Variants in AHSA1 observed in about 807,000 individuals in gnomAD.
AHSA1 encodes activator of HSP90 ATPase activity 1.
AHSA1 carries 14 observed loss-of-function variants against 46.1 expected under a neutral mutation model. The ratio of observed to expected loss-of-function variants is 0.30; its 90% CI spans 0.20 to 0.47. The LOEUF (loss-of-function observed/expected upper bound fraction) is 0.47, where lower values mean the gene tolerates loss of function less well. AHSA1 is among the 20% of genes least tolerant of loss of function. The pLI, the probability that AHSA1 is intolerant of heterozygous loss-of-function variation, is 0.99. For missense variants in AHSA1, 333 were observed against 415.9 expected (o/e 0.80, Z 1.73); for synonymous variants, 147 against 145.8 (o/e 1.01, Z -0.06).
At chr14:77,468,950 C>T (rs762436567) in intron 8 of AHSA1, 127 bp from the exon 9 acceptor site, 11 of 1,060,992 alleles carry the variant, frequency 1.0e-5, no homozygotes, top group East Asian at 2.4e-5. Flanking sequence ...TCTGGTGATC[C>T]GCCCACCTCA....
chr14:77,462,142 T>G lies in AHSA1; in HGVS notation c.272-18T>G. ...CCTGCCAAGGAGTGGACTAATGACA[T>G]TGCATTGGTTTTGACAGGTACTTCT... On this transcript the variant is annotated intron_variant, in intron 2 of 8. Coordinates refer to ENST00000216479, the MANE Select transcript of AHSA1 (RefSeq NM_012111.3). 1 of 1,582,450 alleles carries G rather than the reference T, an allele frequency of 6.3e-7. No individual in the cohort carries two copies. Among genetic ancestry groups the G allele is most frequent in the Non-Finnish European group, 8.7e-7 (1 of 1,151,158 alleles).
Position 77,462,075 on chromosome 14 carries a change from C to T in AHSA1, c.272-85C>T, listed in dbSNP as rs1167450549. 13 of 968,420 alleles carry T rather than the reference C, an allele frequency of 1.3e-5. No homozygotes were observed. The East Asian group carries it at 3.3e-4, about 24-fold the overall frequency. 60.0% of individuals were successfully genotyped at this position (968,420 alleles called of 1,614,324 possible). ...GATCAGTTCAGCCATCCAAAAGCAG[C>T]AGAAGTGAGGTAGCAGTTAGGACCC... On this transcript the variant is annotated intron_variant, in intron 2 of 8. Transcript: ENST00000216479.
Position 77,458,166 on chromosome 14 carries a change from G to C in AHSA1, c.-24G>C. ...CTGTGGCTACGGCTGCTCCGGAGCT[G>C]GTGGCGCCGCGATAGGAGAGCCGAT... On this transcript the variant is annotated 5_prime_UTR_variant, in exon 1 of 9. Transcript: ENST00000216479. 1 of 1,514,422 alleles carries C rather than the reference G, an allele frequency of 6.6e-7. No individual in the cohort carries two copies. Among genetic ancestry groups the C allele is most frequent in the Non-Finnish European group, 8.8e-7 (1 of 1,133,320 alleles). The allele number at this position is 1,514,422 out of a possible 1,614,324, so 93.8% of individuals were successfully genotyped here.
At chr14:77,465,433 AG>A (rs1566747896) in intron 5 of AHSA1, 105 bp from the exon 6 acceptor site, 6 of 1,306,954 alleles carry the variant, frequency 4.6e-6, no homozygotes, top group South Asian at 2.8e-5. Flanking sequence ...TTACCCTTGG[AG>A]GTGAACATTT....
At chr14:77,468,751 TTTA>T in intron 8 of AHSA1, 1 of 477,312 alleles carries the variant, frequency 2.1e-6, no homozygotes. Context: ...TTTTTACTTT[TTTA>T]CTTTTTTTGT....
At position 77,468,645 on chromosome 14, in the gene AHSA1, C is replaced by T. The variant is rs757513792; in HGVS notation, c.844+137C>T. On this transcript the variant is annotated intron_variant, in intron 8 of 8. Coordinates refer to ENST00000216479, the MANE Select transcript of AHSA1 (RefSeq NM_012111.3). ...TGGCATAATCACAGCAAACTGCAGC[C>T]TTAACCTCCCAGACCCAAACGATCC... The T allele has an allele frequency of 6.3e-6, 5 of 796,008 alleles. No individual in the cohort carries two copies. In the East Asian group the frequency reaches 1.3e-4, roughly 21 times the overall value. 49.3% of individuals were successfully genotyped at this position (796,008 alleles called of 1,614,324 possible).
At position 77,467,551 on chromosome 14, in the gene AHSA1, A is replaced by G. The variant is rs535286745; in HGVS notation, c.691-532A>G. On this transcript the variant is annotated intron_variant, in intron 6 of 8. Transcript: ENST00000216479. ...TACTAAAAAATACAAAAAGTTAGCCAGGCATGGTGGCATGCGCCTGTAATC... is the reference window on the plus strand; with the variant it reads ...TACTAAAAAATACAAAAAGTTAGCCGGGCATGGTGGCATGCGCCTGTAATC... Among the ~76,000 whole-genome samples, 15 of 152,196 alleles carry G rather than the reference A, an allele frequency of 9.9e-5. No individual in the cohort carries two copies. In the South Asian group the frequency reaches 2.9e-3, roughly 29 times the overall value.
chr14:77,462,467 T>G (rs1316072433), intron 3 of AHSA1, 175 bp from the exon 4 acceptor site: 1 of 744,590 alleles, frequency 1.3e-6, no homozygotes, highest in Admixed American at 2.4e-5. Flanking sequence ...TAACTAACAT[T>G]AGCCACTTGA....
chr14:77,458,328 G>T, intron 1 of AHSA1, 59 bp downstream of exon 1: 1 of 1,520,906 alleles, frequency 6.6e-7, no homozygotes, highest in Admixed American at 2.1e-5. Context: ...AGGGTTTCAG[G>T]GTTCCTAGAA....
At chr14:77,465,500 ATTACTC>A in intron 5 of AHSA1, 33 bp from the exon 6 acceptor site, 1 of 1,605,552 alleles carries the variant, frequency 6.2e-7, no homozygotes, top group Non-Finnish European at 8.5e-7. Flanking sequence ...AGGTTGTATC[ATTACTC>A]TGTATTGATC....
At position 77,468,156 on chromosome 14, in the gene AHSA1, G is replaced by A; in HGVS notation, c.764G>A (p.Gly255Asp). 6.4e-7 allele frequency: 1 copy of A among 1,560,950 alleles called. No individual in the cohort carries two copies. The highest frequency in any genetic ancestry group is 8.7e-7 in the Non-Finnish European group (1 of 1,151,320). Residue 255 changes from glycine (G) to aspartate (D), a missense_variant, in exon 7 of 9, where the codon GGC becomes GAC. Coordinates refer to ENST00000216479, the MANE Select transcript of AHSA1 (RefSeq NM_012111.3). ...DRGGKFHMVD[G>D]NVSGEFTDLV... ...GGTGGAAAGTTCCACATGGTAGATGGCAACGTCTCTGGGGAATTTACTGAT... is the reference window on the plus strand; with the variant it reads ...GGTGGAAAGTTCCACATGGTAGATGACAACGTCTCTGGGGAATTTACTGAT...
At chr14:77,459,353 C>T (rs192319072) in intron 1 of AHSA1, among the ~76,000 whole-genome samples, 5 of 152,276 alleles carry the variant, frequency 3.3e-5, no homozygotes, top group South Asian at 4.1e-4. Context: ...AGTATTCCCC[C>T]GCACCATCAT....
At chr14:77,459,875 A>C (rs775744884) in intron 2 of AHSA1, 69 bp downstream of exon 2, 11 of 1,569,950 alleles carry the variant, frequency 7.0e-6, no homozygotes, top group Non-Finnish European at 9.6e-6. Flanking sequence ...GCTGGAGAGA[A>C]CAGTTTTGAG....
intron 6 of AHSA1, among the ~76,000 whole-genome samples, chr14:77,467,421 CG>C: frequency 6.6e-6 from 1 of 150,950 alleles, no homozygotes. Flanking sequence ...GGGCTGGGCG[CG>C]GTGGCTCACG....
At chr14:77,459,519 A>T in intron 1 of AHSA1, 97 bp from the exon 2 acceptor site, 1 of 1,267,054 alleles carries the variant, frequency 7.9e-7, no homozygotes, top group Non-Finnish European at 1.1e-6. Context: ...TTCTTTTCAA[A>T]CTATTTGTCA....
intron 6 of AHSA1, 65 bp from the exon 7 acceptor site, chr14:77,468,018 T>C: frequency 8.6e-7 from 1 of 1,168,536 alleles, no homozygotes; most frequent in Non-Finnish European, 1.2e-6. Flanking sequence ...CATTTGTCCT[T>C]GGGTCCCACT....
chr14:77,461,581 G>A (rs1021614912), intron 2 of AHSA1, among the ~76,000 whole-genome samples: 1 of 152,198 alleles, frequency 6.6e-6, no homozygotes, highest in African/African-American at 2.4e-5. Flanking sequence ...GACTACTATG[G>A]AATGGTAGAA....
chr14:77,464,761 GCT>G, intron 5 of AHSA1, 75 bp downstream of exon 5: 1 of 1,319,256 alleles, frequency 7.6e-7, no homozygotes, highest in Non-Finnish European at 1.1e-6. Context: ...CCACATATCA[GCT>G]CTCTGTGTCC....
intron 5 of AHSA1, 99 bp from the exon 6 acceptor site, chr14:77,465,440 C>A: frequency 1.4e-6 from 2 of 1,386,808 alleles, no homozygotes; most frequent in South Asian, 1.4e-5. Context: ...TGGAGGTGAA[C>A]ATTTTTATGA....
Sources: allele counts gnomAD v4.1 joint callset (sites outside exome capture counted in the v4.1 genomes callset), GRCh38; gene constraint gnomAD v4.1.1; transcripts MANE v1.5; gene names NCBI Gene and HGNC (gene_info 2026-07-23, HGNC 2026-07-21).